CUEDC1: variants seen among roughly 807,000 people sequenced by gnomAD.
CUEDC1 encodes the protein CUE domain-containing protein 1.
CUEDC1 carries 30 observed loss-of-function variants against 43.7 expected under a neutral mutation model. The ratio of observed to expected loss-of-function variants is 0.69; its 90% CI spans 0.51 to 0.93. CUEDC1 has a LOEUF of 0.93. CUEDC1 is among the 40% of genes least tolerant of loss of function. The probability of loss-of-function intolerance (pLI) is 0.00; values close to 1 mark genes in which losing one functional copy is unlikely to be tolerated. For synonymous variants in CUEDC1, 223 were observed against 223.6 expected (o/e 1.00, Z 0.02); for missense variants, 486 against 549.0 (o/e 0.89, Z 1.15).
intron 1 of CUEDC1, among the ~76,000 whole-genome samples, chr17:57,931,534 G>A (rs112194283): frequency 6.6e-6 from 1 of 152,116 alleles, no homozygotes; most frequent in African/African-American, 2.4e-5. Context: ...TAAGTCAAAG[G>A]GCACTGCTGT....
chr17:57,871,663 C>A (rs2074036557), intron 5 of CUEDC1, among the ~76,000 whole-genome samples: 1 of 152,234 alleles, frequency 6.6e-6, no homozygotes, highest in South Asian at 2.1e-4. Flanking sequence ...GTGGCTCATG[C>A]CTGTAATTCC....
At chr17:57,934,154 G>A (rs1174207449) in intron 1 of CUEDC1, among the ~76,000 whole-genome samples, 2 of 152,148 alleles carry the variant, frequency 1.3e-5, no homozygotes. Flanking sequence ...AACACTTTGG[G>A]AGGCCAAGGC....
At chr17:57,898,165 T>C (rs1454370354) in intron 1 of CUEDC1, among the ~76,000 whole-genome samples, 2 of 152,184 alleles carry the variant, frequency 1.3e-5, no homozygotes, top group African/African-American at 2.4e-5. Flanking sequence ...CTGCACCCCA[T>C]GGTGCACCCT....
intron 1 of CUEDC1, among the ~76,000 whole-genome samples, chr17:57,922,234 C>T (rs2143113780): frequency 6.6e-6 from 1 of 152,298 alleles, no homozygotes; most frequent in Admixed American, 6.5e-5. Context: ...ATATAGCCGG[C>T]TTAAAACAAA....
chr17:57,927,108 A>C (rs2074754784), intron 1 of CUEDC1, among the ~76,000 whole-genome samples: 1 of 152,184 alleles, frequency 6.6e-6, no homozygotes. Context: ...AGTGGGGGCC[A>C]ATGTTTAGAA....
intron 1 of CUEDC1, among the ~76,000 whole-genome samples, chr17:57,920,994 T>C (rs1168191730): frequency 6.6e-6 from 1 of 152,254 alleles, no homozygotes; most frequent in African/African-American, 2.4e-5. Context: ...AAAAGGAAAG[T>C]ATGTTTTAAA....
chr17:57,945,895 G>A (rs2074955846), intron 1 of CUEDC1, among the ~76,000 whole-genome samples: 1 of 151,822 alleles, frequency 6.6e-6, no homozygotes. Flanking sequence ...GGTAATGGAG[G>A]GCGCCTGTAA....
At chr17:57,885,931 A>C (rs932232215) in intron 1 of CUEDC1, 52 bp from the exon 2 acceptor site, 8 of 179,032 alleles carry the variant, frequency 4.5e-5, no homozygotes, top group Non-Finnish European at 5.8e-5. Flanking sequence ...ACATGAGCTC[A>C]GGGTGGCGGC....
intron 1 of CUEDC1, among the ~76,000 whole-genome samples, chr17:57,926,535 G>A (rs896738991): frequency 1.3e-5 from 2 of 152,134 alleles, no homozygotes; most frequent in Non-Finnish European, 2.9e-5. Flanking sequence ...TCACACCTGT[G>A]TAATGCCAGC....
chr17:57,910,495 T>A (rs1300962583), intron 1 of CUEDC1, among the ~76,000 whole-genome samples: 4 of 151,940 alleles, frequency 2.6e-5, no homozygotes. Context: ...GGCACAGTGG[T>A]TCACACCTGT....
chr17:57,914,502 C>T (rs1001117906), intron 1 of CUEDC1, among the ~76,000 whole-genome samples: 2 of 152,154 alleles, frequency 1.3e-5, no homozygotes, highest in Admixed American at 6.5e-5. Context: ...TATATCTCGG[C>T]AGGAGGTCTC....
At chr17:57,873,164 T>C (rs1022933991) in intron 4 of CUEDC1, among the ~76,000 whole-genome samples, 2 of 152,194 alleles carry the variant, frequency 1.3e-5, no homozygotes, top group Non-Finnish European at 2.9e-5. Context: ...TATACGTCAA[T>C]TCCCAAACTC....
intron 1 of CUEDC1, among the ~76,000 whole-genome samples, chr17:57,897,993 A>T (rs2074431476): frequency 6.6e-6 from 1 of 152,246 alleles, no homozygotes; most frequent in South Asian, 2.1e-4. Flanking sequence ...AGCCTGGGCG[A>T]CAGTGCGAGA....
At chr17:57,935,038 CACAG>C (rs1297966870) in intron 1 of CUEDC1, among the ~76,000 whole-genome samples, 1 of 152,142 alleles carries the variant, frequency 6.6e-6, no homozygotes, top group Non-Finnish European at 1.5e-5. Context: ...GGGTTAAGCT[CACAG>C]ACAAAATGAT....
chr17:57,886,824 T>A (rs904816967), intron 1 of CUEDC1, among the ~76,000 whole-genome samples: 2 of 149,722 alleles, frequency 1.3e-5, no homozygotes, highest in Non-Finnish European at 3.0e-5. Flanking sequence ...GTTGTTTTTT[T>A]TTTTTTTTTT....
chr17:57,909,394 C>A (rs76336067), intron 1 of CUEDC1, among the ~76,000 whole-genome samples: 11,132 of 152,240 alleles, frequency 0.073, 468 homozygotes, highest in Admixed American at 0.12. Flanking sequence ...TTGAACAGGA[C>A]GTATTTTAGA....
chr17:57,909,466 G>A (rs1035748320), intron 1 of CUEDC1, among the ~76,000 whole-genome samples: 3 of 152,186 alleles, frequency 2.0e-5, no homozygotes, highest in Non-Finnish European at 4.4e-5. Flanking sequence ...GGGAGACCAA[G>A]GACTATGGAT....
chr17:57,924,644 C>G (rs2074729355), intron 1 of CUEDC1, among the ~76,000 whole-genome samples: 1 of 152,000 alleles, frequency 6.6e-6, no homozygotes, highest in African/African-American at 2.4e-5. Context: ...CACCCCACCC[C>G]TGTATAAGCC....
intron 1 of CUEDC1, among the ~76,000 whole-genome samples, chr17:57,894,169 G>A (rs984567413): frequency 6.6e-6 from 1 of 152,186 alleles, no homozygotes; most frequent in African/African-American, 2.4e-5. Flanking sequence ...AAGCCCCACT[G>A]CCACCCAGAG....
Sources: allele counts gnomAD v4.1 joint callset (sites outside exome capture counted in the v4.1 genomes callset), GRCh38; gene constraint gnomAD v4.1.1; transcripts MANE v1.5; gene names NCBI Gene and HGNC (gene_info 2026-07-23, HGNC 2026-07-21).